FRMD4A: variants seen among roughly 807,000 people sequenced by gnomAD.
FRMD4A encodes FERM domain-containing protein 4A.
FRMD4A carries 29 observed loss-of-function variants against 129.1 expected under a neutral mutation model. The ratio of observed to expected loss-of-function variants is 0.22; its 90% CI spans 0.17 to 0.31. The LOEUF (loss-of-function observed/expected upper bound fraction) is 0.31, where lower values mean the gene tolerates loss of function less well. Among genes scored for constraint, FRMD4A ranks in the 10% least tolerant of loss-of-function variants. The pLI is 1.00. For synonymous variants in FRMD4A, 634 were observed against 571.6 expected (o/e 1.11, Z -1.56); for missense variants, 1,272 against 1,375.8 (o/e 0.92, Z 1.19).
intron 2 of FRMD4A, among the ~76,000 whole-genome samples, chr10:14,183,300 ATTAAT>A (rs1274166860): frequency 1.3e-5 from 2 of 152,240 alleles, no homozygotes; most frequent in Admixed American, 1.3e-4. Flanking sequence ...AAAGTTACAC[ATTAAT>A]TTATTTAGAA....
At chr10:14,128,035 C>CCTTCCTTT (rs1838999478) in intron 2 of FRMD4A, among the ~76,000 whole-genome samples, 1 of 121,020 alleles carries the variant, frequency 8.3e-6, no homozygotes, top group Admixed American at 9.8e-5. Flanking sequence ...TTCCTTCCTT[C>CCTTCCTTT]CTTTCTTTCC....
In FRMD4A at chr10:13,654,622, T is replaced by G. The variant is rs561642949; in HGVS notation, c.2954-110A>C. On this transcript the variant is annotated intron_variant, in intron 22 of 24. Coordinates refer to ENST00000357447, the MANE Select transcript of FRMD4A (RefSeq NM_018027.5). ...AACCCAGTGGCCAGAGGTCACCATTTCCAGGGATGCTGGGAAGGACCCCAG... is the reference window on the plus strand; with the variant it reads ...AACCCAGTGGCCAGAGGTCACCATTGCCAGGGATGCTGGGAAGGACCCCAG... 4.4e-5 allele frequency: 30 copies of G among 684,628 alleles called. 1 individual carries two copies. In the Admixed American group the frequency reaches 6.3e-4, roughly 14 times the overall value. The allele number at this position is 684,628 out of a possible 1,614,324, so 42.4% of individuals were successfully genotyped here.
At chr10:14,091,078 C>T (rs1470248345) in intron 2 of FRMD4A, among the ~76,000 whole-genome samples, 1 of 152,210 alleles carries the variant, frequency 6.6e-6, no homozygotes, top group Non-Finnish European at 1.5e-5. Flanking sequence ...CCTATTATAA[C>T]TGCAAGCCAT....
At chr10:13,970,334 C>T (rs908845673) in intron 2 of FRMD4A, among the ~76,000 whole-genome samples, 3 of 152,162 alleles carry the variant, frequency 2.0e-5, no homozygotes, top group Non-Finnish European at 4.4e-5. Context: ...GAGCAGGGGT[C>T]CTGCGGGGCT....
At chr10:13,690,467 G>A (rs1223708515) in intron 15 of FRMD4A, among the ~76,000 whole-genome samples, 1 of 152,238 alleles carries the variant, frequency 6.6e-6, no homozygotes, top group Non-Finnish European at 1.5e-5. Flanking sequence ...TTTGTTCCCT[G>A]ATGGAATGTT....
intron 2 of FRMD4A, among the ~76,000 whole-genome samples, chr10:14,163,609 G>C (rs1458945465): frequency 6.6e-6 from 1 of 152,182 alleles, no homozygotes; most frequent in African/African-American, 2.4e-5. Flanking sequence ...CCTGGCACTC[G>C]TTACGAGCAC....
chr10:13,872,263 G>A (rs1402610409), intron 2 of FRMD4A, among the ~76,000 whole-genome samples: 1 of 152,226 alleles, frequency 6.6e-6, no homozygotes, highest in African/African-American at 2.4e-5. Context: ...TTCTGGGCAG[G>A]TGGCATTGGG....
At chr10:14,045,757 T>C (rs1227056220) in intron 2 of FRMD4A, among the ~76,000 whole-genome samples, 1 of 145,814 alleles carries the variant, frequency 6.9e-6, no homozygotes, top group Non-Finnish European at 1.5e-5. Context: ...ATATATAATG[T>C]AAAGTATAAT....
chr10:13,896,851 A>G (rs560583085), intron 2 of FRMD4A, among the ~76,000 whole-genome samples: 2 of 152,358 alleles, frequency 1.3e-5, no homozygotes, highest in African/African-American at 4.8e-5. Flanking sequence ...AAAACTCCAC[A>G]ATGGTCTGTT....
intron 2 of FRMD4A, among the ~76,000 whole-genome samples, chr10:14,224,634 T>C (rs755256107): frequency 1.3e-5 from 2 of 152,146 alleles, no homozygotes; most frequent in Non-Finnish European, 2.9e-5. Context: ...CCTACGTGGA[T>C]AAAATTTCAA....
chr10:13,657,416 T>A lies in FRMD4A; in HGVS notation c.2173A>T (p.Thr725Ser). The A allele has an allele frequency of 6.2e-7, 1 of 1,612,872 alleles. No individual in the cohort carries two copies. Among genetic ancestry groups the A allele is most frequent in the Non-Finnish European group, 8.5e-7 (1 of 1,179,876 alleles). Residue 725 changes from threonine (T) to serine (S), a missense_variant, in exon 22 of 25, where the codon ACC becomes TCC. By Grantham distance (58) the Thr-to-Ser change is moderately conservative. Transcript: ENST00000357447. ...QGKLLGSEND[T>S]GSPDFYTPRT... is the part of the protein sequence containing the mutation. The stretch of plus-strand genomic sequence containing the variant: ...GGGGTGTAGAAGTCGGGGCTCCCGG[T>A]GTCGTTTTCCGAGCCCAGGAGCTTG...
chr10:13,834,053 CAGG>C (rs1588952884), intron 3 of FRMD4A, among the ~76,000 whole-genome samples: 1 of 152,114 alleles, frequency 6.6e-6, no homozygotes, highest in Non-Finnish European at 1.5e-5. Flanking sequence ...CACCTGAGAT[CAGG>C]AGTACAAAAC....
At chr10:13,861,734 A>G (rs2131047830) in intron 2 of FRMD4A, among the ~76,000 whole-genome samples, 1 of 152,350 alleles carries the variant, frequency 6.6e-6, no homozygotes, top group East Asian at 1.9e-4. Flanking sequence ...AATGGGCTCA[A>G]GTCCTATTAG....
chr10:13,893,809 C>T (rs1176909160), intron 2 of FRMD4A, among the ~76,000 whole-genome samples: 1 of 152,224 alleles, frequency 6.6e-6, no homozygotes, highest in Non-Finnish European at 1.5e-5. Context: ...CCGCACCCAG[C>T]TCAGACATAC....
chr10:13,747,741 G>T lies in FRMD4A; in HGVS notation c.543C>A (p.Ala181=), dbSNP rs199655112. ...GAAGACTCCAGGGGTCTTACCAGTAGGCCAGGGAAGGGTGCTCCTTCAGGG... is the reference window on the plus strand; with the variant it reads ...GAAGACTCCAGGGGTCTTACCAGTATGCCAGGGAAGGGTGCTCCTTCAGGG... ...TQALKEHPSL[A]YCEDRVIEHY... is the part of the protein sequence containing the mutation. The change falls in exon 9 of 25, where the codon GCC becomes GCA. Residue 181 remains alanine, a synonymous_variant. Coordinates refer to ENST00000357447, the MANE Select transcript of FRMD4A (RefSeq NM_018027.5). 1.9e-6 allele frequency: 3 copies of T among 1,566,864 alleles called. No homozygotes were observed. The highest frequency in any genetic ancestry group is 2.6e-6 in the Non-Finnish European group (3 of 1,137,082).
intron 5 of FRMD4A, among the ~76,000 whole-genome samples, chr10:13,787,516 C>T (rs2092897395): frequency 6.6e-6 from 1 of 152,010 alleles, no homozygotes; most frequent in African/African-American, 2.4e-5. Flanking sequence ...GGCTGGAGTG[C>T]AGTGTGCAAC....
chr10:13,871,845 C>T (rs1412928644), intron 2 of FRMD4A, among the ~76,000 whole-genome samples: 1 of 152,236 alleles, frequency 6.6e-6, no homozygotes, highest in African/African-American at 2.4e-5. Flanking sequence ...GTCTGAGCCA[C>T]ACACTGTGCC....
chr10:13,989,745 C>T (rs546002083), intron 2 of FRMD4A, among the ~76,000 whole-genome samples: 19 of 152,190 alleles, frequency 1.2e-4, no homozygotes, highest in Non-Finnish European at 2.4e-4. Context: ...GAAGACAAGA[C>T]AGAGGGCAGA....
chr10:14,217,036 A>AG (rs1280830272), intron 2 of FRMD4A, among the ~76,000 whole-genome samples: 1 of 152,222 alleles, frequency 6.6e-6, no homozygotes, highest in African/African-American at 2.4e-5. Context: ...GTCACCGAAC[A>AG]GGGGGGCATG....
Sources: gnomAD v4.1 joint callset for allele counts (sites outside exome capture counted in the v4.1 genomes callset) on GRCh38, gnomAD v4.1.1 for gene constraint, MANE v1.5 for transcripts, NCBI Gene and HGNC (gene_info 2026-07-23, HGNC 2026-07-21) for gene names.